The following ARAP2 variants were observed in gnomAD, a reference collection of about 807,000 sequenced individuals.
ARAP2 encodes arf-GAP with Rho-GAP domain, ANK repeat and PH domain-containing protein 2.
ARAP2 carries 148 observed loss-of-function variants against 194.5 expected under a neutral mutation model. The observed-to-expected ratio is 0.76, with a 90% CI of 0.67 to 0.87. The LOEUF (loss-of-function observed/expected upper bound fraction) is 0.87, where lower values mean the gene tolerates loss of function less well. Ranked by LOEUF, ARAP2 falls within the 40% of genes least tolerant of loss-of-function variation. ARAP2 has a pLI of 0.00. For synonymous variants in ARAP2, 695 were observed against 683.5 expected, an observed-to-expected ratio of 1.02 and a Z score of -0.26; for missense variants, 2,128 against 1,989.7, an observed-to-expected ratio of 1.07 and a Z score of -1.32.
At chr4:36,109,831 T>C (rs1719409137) in intron 26 of ARAP2, among the ~76,000 whole-genome samples, 1 of 150,056 alleles carries the variant, frequency 6.7e-6, no homozygotes, top group South Asian at 2.1e-4. Flanking sequence ...TCATTTACAT[T>C]AGGTATATCA....
At chr4:36,129,759 T>G (rs1724950236) in intron 20 of ARAP2, among the ~76,000 whole-genome samples, 1 of 151,862 alleles carries the variant, frequency 6.6e-6, no homozygotes, top group Admixed American at 6.6e-5. Flanking sequence ...CACTTCTACA[T>G]AAACATTTTA....
chr4:36,101,194 C>T (rs193057588), intron 27 of ARAP2, among the ~76,000 whole-genome samples: 12 of 151,894 alleles, frequency 7.9e-5, no homozygotes, highest in Non-Finnish European at 1.2e-4. Context: ...TTGGTATCCA[C>T]GACAAGCAGG....
chr4:36,161,146 A>AACACACACACACACACACACACACAC (rs36207295), intron 12 of ARAP2, among the ~76,000 whole-genome samples: 2 of 147,886 alleles, frequency 1.4e-5, no homozygotes, highest in Non-Finnish European at 3.0e-5. Flanking sequence ...CACACACACA[A>AACACACACACACACACACACACACAC]ACACACACAC....
chr4:36,133,172 G>C, intron 20 of ARAP2, 54 bp downstream of exon 20: 1 of 1,571,944 alleles, frequency 6.4e-7, no homozygotes, highest in Non-Finnish European at 8.7e-7. Flanking sequence ...TTAAAAACCT[G>C]TAAGAACGAT....
chr4:36,135,357 G>A (rs1726440764), intron 19 of ARAP2, among the ~76,000 whole-genome samples: 1 of 151,674 alleles, frequency 6.6e-6, no homozygotes. Flanking sequence ...TTCTTGAAAT[G>A]CTCCTGTAAG....
intron 2 of ARAP2, among the ~76,000 whole-genome samples, chr4:36,218,313 A>C (rs1457456512): frequency 6.6e-6 from 1 of 152,176 alleles, no homozygotes; most frequent in Non-Finnish European, 1.5e-5. Context: ...ACTGTGGCCT[A>C]CTAGAAGTGG....
intron 9 of ARAP2, among the ~76,000 whole-genome samples, chr4:36,175,679 G>A (rs140175064): frequency 4.9e-4 from 74 of 152,120 alleles, no homozygotes; most frequent in Middle Eastern, 3.4e-3. Flanking sequence ...GTACGTTAAC[G>A]CATAGAAAAG....
Position 36,141,235 on chromosome 4 carries a change from TA to T in ARAP2, c.3263+6060del, listed in dbSNP as rs1002791971. 3.6e-4 allele frequency among the ~76,000 whole-genome samples: 55 copies of T among 151,490 alleles called. No individual in the cohort carries two copies. In the South Asian group the frequency reaches 4.0e-3, roughly 11 times the overall value. Reference sequence around the variant, plus strand: ...ACTAACAAGTGATATTTGACAATATTATTTTTTTATTTGCACAAACAGTACT... The same window carrying T: ...ACTAACAAGTGATATTTGACAATATTTTTTTTTATTTGCACAAACAGTACT... On this transcript the variant is annotated intron_variant, in intron 19 of 32. Transcript: ENST00000303965.
intron 9 of ARAP2, among the ~76,000 whole-genome samples, chr4:36,169,171 AT>A (rs1300823919): frequency 6.6e-6 from 1 of 152,234 alleles, no homozygotes; most frequent in African/African-American, 2.4e-5. Flanking sequence ...GAATAAATAA[AT>A]AAACTCTAGA....
chr4:36,097,843 T>C (rs1577868720), intron 27 of ARAP2, among the ~76,000 whole-genome samples: 1 of 152,014 alleles, frequency 6.6e-6, no homozygotes, highest in Admixed American at 6.6e-5. Context: ...TGAGAAAGGA[T>C]AGGTTGGAGT....
intron 26 of ARAP2, 120 bp from the exon 27 acceptor site, chr4:36,107,813 CATATCTTATGTT>C (rs1718810228): frequency 2.3e-6 from 2 of 873,458 alleles, no homozygotes; most frequent in South Asian, 4.2e-5. Context: ...TATACACAAT[CATATCTTATGTT>C]ATATTATACA....
chr4:36,175,246 T>C (rs1737616066), intron 9 of ARAP2, among the ~76,000 whole-genome samples: 1 of 152,208 alleles, frequency 6.6e-6, no homozygotes, highest in Non-Finnish European at 1.5e-5. Flanking sequence ...TTGTATAAAA[T>C]TTTCGAAGTT....
At chr4:36,079,619 C>T (rs147439233) in intron 31 of ARAP2, among the ~76,000 whole-genome samples, 591 of 152,220 alleles carry the variant, frequency 3.9e-3, no homozygotes, top group Non-Finnish European at 6.5e-3. Flanking sequence ...AAAACAAATA[C>T]GGAACTGAGT....
At chr4:36,156,403 GAAAGAAA>G (rs1214492026) in intron 15 of ARAP2, among the ~76,000 whole-genome samples, 22 of 12,474 alleles carry the variant, frequency 1.8e-3, no homozygotes, top group Non-Finnish European at 2.5e-3. Flanking sequence ...AAGAAAGAAA[GAAAGAAA>G]GAAAGAAAGA....
In ARAP2 at chr4:36,160,597, A is replaced by C. The variant is rs1733676056; in HGVS notation, c.2304T>G (p.Ala768=). The C allele has an allele frequency of 6.6e-7, 1 of 1,505,892 alleles. No homozygotes were observed. Among genetic ancestry groups the C allele is most frequent in the African/African-American group, 1.5e-5 (1 of 68,476 alleles). 93.3% of individuals were successfully genotyped at this position (1,505,892 alleles called of 1,614,324 possible). Residue 768 remains alanine, a synonymous_variant, in exon 13 of 33, where the codon GCT becomes GCG. Coordinates refer to ENST00000303965, the MANE Select transcript of ARAP2 (RefSeq NM_015230.4). The part of the protein sequence containing the change: ...IGNKRANDFW[A]GNLQKDEELH... ...ATTCTTCATCCTTTTGAAGATTACC[A>C]GCCCAAAAGTCATTTGCTCTTTTGT...
intron 1 of ARAP2, among the ~76,000 whole-genome samples, chr4:36,235,135 G>A (rs1752206261): frequency 6.6e-6 from 1 of 152,058 alleles, no homozygotes. Context: ...CCTAGCCTAA[G>A]CCACCATCAT....
At chr4:36,169,471 TA>T (rs1289224390) in intron 9 of ARAP2, among the ~76,000 whole-genome samples, 1 of 151,722 alleles carries the variant, frequency 6.6e-6, no homozygotes, top group South Asian at 2.1e-4. Flanking sequence ...TAATTTCTGT[TA>T]AAATAAGGGA....
At chr4:36,060,453 C>G (rs1021320134) in intron 1 of ARAP2, among the ~76,000 whole-genome samples, 9 of 152,100 alleles carry the variant, frequency 5.9e-5, no homozygotes, top group African/African-American at 2.2e-4. Context: ...CTCCATTAAT[C>G]ATATGGTTAT....
chr4:36,196,479 T>C (rs1743140270), intron 6 of ARAP2, among the ~76,000 whole-genome samples: 1 of 152,180 alleles, frequency 6.6e-6, no homozygotes, highest in South Asian at 2.1e-4. Flanking sequence ...GCTCCTAAGA[T>C]ATTCTCCCAA....
Sources: gnomAD v4.1 joint callset for allele counts (sites outside exome capture counted in the v4.1 genomes callset) on GRCh38, gnomAD v4.1.1 for gene constraint, MANE v1.5 for transcripts, NCBI Gene and HGNC (gene_info 2026-07-23, HGNC 2026-07-21) for gene names.